The following TPGS2 variants were observed in gnomAD, a reference collection of about 807,000 sequenced individuals.
TPGS2 encodes the protein tubulin polyglutamylase complex subunit 2, also known as polyglutamylase subunit 2.
TPGS2 carries 26 observed loss-of-function variants against 31.1 expected under a neutral mutation model. That is an observed-to-expected ratio of 0.84 (90% CI 0.61 to 1.16). TPGS2 has a LOEUF of 1.16. Ranked by LOEUF, TPGS2 falls within the 50% of genes most tolerant of loss-of-function variation. TPGS2 has a pLI of 0.00. For synonymous variants in TPGS2, 130 were observed against 136.6 expected (o/e 0.95, Z 0.34); for missense variants, 351 against 363.8 (o/e 0.96, Z 0.29).
At chr18:36,804,401 A>G (rs1168179649) in intron 4 of TPGS2, among the ~76,000 whole-genome samples, 1 of 151,978 alleles carries the variant, frequency 6.6e-6, no homozygotes, top group Non-Finnish European at 1.5e-5. Context: ...CTATTTGACT[A>G]CTTCACCTTT....
In TPGS2 at chr18:36,805,373, C is replaced by T. The variant is rs2045065248; in HGVS notation, c.382+1G>A. On this transcript the variant is annotated splice_donor_variant, in intron 4 of 6. Coordinates refer to ENST00000334295, the MANE Select transcript of TPGS2 (RefSeq NM_015476.4). LOFTEE classifies it high-confidence loss of function. ...AGATACCAACCTTGGTATCTTCCTA[C>T]CTTCATGTGTATCGTCCTCCAGGTC... 2 of 1,613,820 alleles carry T rather than the reference C, an allele frequency of 1.2e-6. No individual in the cohort carries two copies. The highest frequency in any genetic ancestry group is 1.7e-6 in the Non-Finnish European group (2 of 1,179,762).
At chr18:36,812,183 A>G (rs1379887437) in intron 2 of TPGS2, among the ~76,000 whole-genome samples, 1 of 152,192 alleles carries the variant, frequency 6.6e-6, no homozygotes, top group African/African-American at 2.4e-5. Flanking sequence ...TCTCTGTCCC[A>G]GATTCCTGGC....
chr18:36,794,466 C>G lies in TPGS2; in HGVS notation c.*2339G>C. ...TCCTCCGCTGCTTCACTTGTGGAAT[C>G]CAGGGCTGATTTAGAAATGCTGTGA... On this transcript the variant is annotated 3_prime_UTR_variant, in exon 7 of 7. Transcript: ENST00000334295. The G allele has an allele frequency of 1.0e-6, 1 of 985,420 alleles. No individual in the cohort carries two copies. The highest frequency in any genetic ancestry group is 1.2e-6 in the Non-Finnish European group (1 of 829,944). 61.0% of individuals were successfully genotyped at this position (985,420 alleles called of 1,614,324 possible).
At chr18:36,780,235 A>C (rs1432102370), downstream of TPGS2, 1 of 1,212,072 alleles carries the variant, frequency 8.3e-7, no homozygotes, top group Non-Finnish European at 1.0e-6. Flanking sequence ...GTGCTCTTTG[A>C]AACTCCTTTT....
chr18:36,819,297 A>T (rs2045795661), intron 1 of TPGS2, among the ~76,000 whole-genome samples: 1 of 152,262 alleles, frequency 6.6e-6, no homozygotes, highest in Non-Finnish European at 1.5e-5. Flanking sequence ...CAGTGAGCTA[A>T]ATCTATATAC....
intron 1 of TPGS2, among the ~76,000 whole-genome samples, chr18:36,819,938 G>A: frequency 6.6e-6 from 1 of 152,198 alleles, no homozygotes; most frequent in East Asian, 1.9e-4. Flanking sequence ...GTGCATACAT[G>A]TTGTCCCCAC....
exon 7 of TPGS2, chr18:36,783,036 G>A (rs971817050): frequency 5.5e-5 from 22 of 398,312 alleles, no homozygotes; most frequent in East Asian, 1.1e-4. Flanking sequence ...GTGAGTCCCG[G>A]GAGCTCTAGA....
chr18:36,824,780 T>A (rs1004219931), intron 1 of TPGS2, among the ~76,000 whole-genome samples: 1 of 152,244 alleles, frequency 6.6e-6, no homozygotes, highest in Admixed American at 6.5e-5. Context: ...TTTACAAATA[T>A]CCTCTCCTAT....
At chr18:36,825,684 C>T (rs1820289637) in intron 1 of TPGS2, among the ~76,000 whole-genome samples, 1 of 152,134 alleles carries the variant, frequency 6.6e-6, no homozygotes, top group Non-Finnish European at 1.5e-5. Flanking sequence ...AGAACTTTTC[C>T]ATCATCTCAA....
At chr18:36,787,386 C>T (rs2044161965) in intron 6 of TPGS2, among the ~76,000 whole-genome samples, 1 of 152,170 alleles carries the variant, frequency 6.6e-6, no homozygotes, top group South Asian at 2.1e-4. Flanking sequence ...TGCTTTTAAG[C>T]CCTCACTGCT....
At position 36,796,878 on chromosome 18, in the gene TPGS2, G is replaced by A. The variant is rs756300932; in HGVS notation, c.830C>T (p.Ser277Leu). 6.2e-7 allele frequency: 1 copy of A among 1,611,974 alleles called. No homozygotes were observed. The highest frequency in any genetic ancestry group is 2.2e-5 in the East Asian group (1 of 44,850). Reference sequence around the variant, plus strand: ...GGAAGTGGAGGGACCGGAGGGTCCTGAGGGCCCTTTCTGGCCACCTGCAGG... The same window carrying A: ...GGAAGTGGAGGGACCGGAGGGTCCTAAGGGCCCTTTCTGGCCACCTGCAGG... The part of the protein sequence containing the change: ...VQPAGGQKGP[S>L]GPSGPSTSST... Residue 277 changes from serine to leucine, a missense_variant, in exon 7 of 7, where the codon TCA becomes TTA. Ser to Leu is a moderately radical substitution (Grantham distance 145, BLOSUM62 -2). Coordinates refer to ENST00000334295, the MANE Select transcript of TPGS2 (RefSeq NM_015476.4).
rs558704992 is a variant in TPGS2 at position 36,828,563 on chromosome 18, C to A, written c.85+120G>T. ...CTTTCCTCTGTAACAACGGAAGTCC[C>A]AGCAGCGATGTCCACTCCTGTTCTG... On this transcript the variant is annotated intron_variant, in intron 1 of 6. Coordinates refer to ENST00000334295, the MANE Select transcript of TPGS2 (RefSeq NM_015476.4). 3.3e-5 allele frequency: 36 copies of A among 1,096,738 alleles called. No homozygotes were observed. In the African/African-American group the frequency reaches 5.0e-4, roughly 15 times the overall value. 67.9% of individuals were successfully genotyped at this position (1,096,738 alleles called of 1,614,324 possible).
downstream of TPGS2, among the ~76,000 whole-genome samples, chr18:36,793,030 T>C (rs565696057): frequency 2.0e-5 from 3 of 152,340 alleles, no homozygotes; most frequent in East Asian, 5.8e-4. Context: ...CCTCCTGTTG[T>C]TGGGTCTTTT....
At chr18:36,790,560 A>G (rs534458790), downstream of TPGS2, among the ~76,000 whole-genome samples, 1 of 152,364 alleles carries the variant, frequency 6.6e-6, no homozygotes, top group South Asian at 2.1e-4. Flanking sequence ...TTTGAGCCAC[A>G]GCTAGTAAGT....
intron 6 of TPGS2, among the ~76,000 whole-genome samples, chr18:36,783,996 G>T (rs893527685): frequency 6.6e-6 from 1 of 152,036 alleles, no homozygotes; most frequent in Admixed American, 6.6e-5. Flanking sequence ...GACGAAATTG[G>T]AGTGACATGG....
downstream of TPGS2, among the ~76,000 whole-genome samples, chr18:36,792,173 C>G (rs143093172): frequency 5.8e-4 from 89 of 152,238 alleles, no homozygotes; most frequent in Non-Finnish European, 3.2e-4. Context: ...CTACCAGGGA[C>G]TCTCTGAATG....
rs1201946248 is a variant in TPGS2 at position 36,794,368 on chromosome 18, C to T, written c.*2437G>A. 1 of 985,504 alleles carries T rather than the reference C, an allele frequency of 1.0e-6. No homozygotes were observed. Among genetic ancestry groups the T allele is most frequent in the Non-Finnish European group, 1.2e-6 (1 of 829,994 alleles). The allele number at this position is 985,504 out of a possible 1,614,324, so 61.0% of individuals were successfully genotyped here. On this transcript the variant is annotated 3_prime_UTR_variant, in exon 7 of 7. Coordinates refer to ENST00000334295, the MANE Select transcript of TPGS2 (RefSeq NM_015476.4). ...CTTGAGCCTTTCCTTATCATAACCC[C>T]CTTCCTTTGATAGCCTTTTGAGAAC...
At chr18:36,806,611 G>A (rs2045146181) in intron 3 of TPGS2, among the ~76,000 whole-genome samples, 2 of 152,142 alleles carry the variant, frequency 1.3e-5, no homozygotes, top group South Asian at 4.1e-4. Context: ...CCAGCACTTT[G>A]GGAGGCCAAG....
At chr18:36,826,045 T>C (rs1332002089) in intron 1 of TPGS2, among the ~76,000 whole-genome samples, 2 of 152,198 alleles carry the variant, frequency 1.3e-5, no homozygotes, top group Non-Finnish European at 2.9e-5. Flanking sequence ...TTTATTCTTT[T>C]ATTTTTTTTG....
Sources: allele counts gnomAD v4.1 joint callset (sites outside exome capture counted in the v4.1 genomes callset), GRCh38; gene constraint gnomAD v4.1.1; transcripts MANE v1.5; gene names NCBI Gene and HGNC (gene_info 2026-07-23, HGNC 2026-07-21).